The following ZNF423 variants were observed in gnomAD, a reference collection of about 807,000 sequenced individuals.
ZNF423 encodes the protein Ebf-associated zinc finger protein.
A neutral mutation model predicts 95.8 loss-of-function variants in ZNF423; 12 were observed. That is an observed-to-expected ratio of 0.13 (90% CI 0.08 to 0.20). The LOEUF is 0.20. Ranked by LOEUF, ZNF423 falls within the 10% of genes least tolerant of loss-of-function variation. The pLI is 1.00. For missense variants in ZNF423, 1,316 were observed against 1,737.1 expected, an observed-to-expected ratio of 0.76 and a Z score of 4.31; for synonymous variants, 749 against 711.9, an observed-to-expected ratio of 1.05 and a Z score of -0.83.
At chr16:49,702,909 GCACA>G (rs66522223) in intron 3 of ZNF423, among the ~76,000 whole-genome samples, 40,949 of 147,350 alleles carry the variant, frequency 0.28, 6,018 homozygotes, top group Admixed American at 0.34. Context: ...GTGTGCACAC[GCACA>G]CACACACACA....
intron 5 of ZNF423, among the ~76,000 whole-genome samples, chr16:49,574,913 G>A (rs1304596073): frequency 1.3e-5 from 2 of 152,162 alleles, no homozygotes; most frequent in Admixed American, 6.5e-5. Flanking sequence ...GAGGAGGTGG[G>A]AAGGATTCTT....
At chr16:49,811,830 C>T (rs2034758451) in intron 1 of ZNF423, among the ~76,000 whole-genome samples, 1 of 151,936 alleles carries the variant, frequency 6.6e-6, no homozygotes. Context: ...AGCCTGGAAC[C>T]CCAGATCTGG....
intron 5 of ZNF423, among the ~76,000 whole-genome samples, chr16:49,594,512 A>G (rs368538032): frequency 1.3e-5 from 2 of 152,170 alleles, no homozygotes; most frequent in African/African-American, 4.8e-5. Flanking sequence ...CAACATACAC[A>G]CAACACACAG....
At chr16:49,746,630 A>C (rs901565001) in intron 2 of ZNF423, among the ~76,000 whole-genome samples, 2 of 151,930 alleles carry the variant, frequency 1.3e-5, no homozygotes, top group African/African-American at 4.8e-5. Flanking sequence ...GGCACCCACC[A>C]CCACACCTGG....
At chr16:49,838,868 G>T (rs982373798) in intron 1 of ZNF423, among the ~76,000 whole-genome samples, 2 of 151,702 alleles carry the variant, frequency 1.3e-5, no homozygotes, top group African/African-American at 4.8e-5. Context: ...CCTCCCGCGC[G>T]GGGGGCGGCC....
intron 3 of ZNF423, among the ~76,000 whole-genome samples, chr16:49,674,453 G>C (rs2030956962): frequency 6.6e-6 from 1 of 152,184 alleles, no homozygotes; most frequent in African/African-American, 2.4e-5. Context: ...CACTTTACAA[G>C]GGAGGACAGG....
chr16:49,855,358 G>A lies in ZNF423; in HGVS notation c.40+377C>T, dbSNP rs987209055. Among the ~76,000 whole-genome samples, 2 of 144,746 alleles carry A rather than the reference G, an allele frequency of 1.4e-5. No individual in the cohort carries two copies. Among genetic ancestry groups the A allele is most frequent in the Non-Finnish European group, 3.1e-5 (2 of 65,450 alleles). 95.0% of individuals were successfully genotyped at this position (144,746 alleles called of 152,430 possible). On this transcript the variant is annotated intron_variant, in intron 1 of 7. Transcript: ENST00000563137. The surrounding 1 kb of genome is among the most constrained non-coding windows in gnomAD (Gnocchi z 4.7). ...GCCGCCGCCGAGATTCGCAATCCCC[G>A]CCAAGTCGGGCCAGCACCCCTTGAT...
At chr16:49,728,966 C>A (rs1253998195) in intron 3 of ZNF423, among the ~76,000 whole-genome samples, 1 of 152,126 alleles carries the variant, frequency 6.6e-6, no homozygotes, top group African/African-American at 2.4e-5. Context: ...CTGCTGACAT[C>A]GTGATCCGCC....
intron 1 of ZNF423, among the ~76,000 whole-genome samples, chr16:49,794,196 C>T (rs530006441): frequency 1.3e-5 from 2 of 151,776 alleles, no homozygotes; most frequent in African/African-American, 2.4e-5. Flanking sequence ...CCACCACGCC[C>T]GGTGGATTTT....
intron 7 of ZNF423, among the ~76,000 whole-genome samples, chr16:49,515,228 C>T (rs932005981): frequency 2.0e-5 from 3 of 152,240 alleles, no homozygotes; most frequent in Non-Finnish European, 2.9e-5. Flanking sequence ...CCTGGCCCCG[C>T]GCGCACAGGC....
chr16:49,844,467 G>T (rs987408808), intron 1 of ZNF423, among the ~76,000 whole-genome samples: 1 of 152,100 alleles, frequency 6.6e-6, no homozygotes, highest in Non-Finnish European at 1.5e-5. Context: ...TCTCCCAGCC[G>T]GGTGTCCTGC....
intron 3 of ZNF423, among the ~76,000 whole-genome samples, chr16:49,645,015 T>A (rs543415986): frequency 6.6e-6 from 1 of 152,190 alleles, no homozygotes; most frequent in African/African-American, 2.4e-5. Flanking sequence ...AATATAAAGA[T>A]CACCTTGTAC....
intron 5 of ZNF423, among the ~76,000 whole-genome samples, chr16:49,527,623 C>T (rs1968665531): frequency 6.6e-6 from 1 of 152,178 alleles, no homozygotes; most frequent in Non-Finnish European, 1.5e-5. Flanking sequence ...GTGAGGTTGA[C>T]AACTGTGCAG....
chr16:49,771,065 G>A (rs74018933), intron 2 of ZNF423, among the ~76,000 whole-genome samples: 6 of 152,286 alleles, frequency 3.9e-5, no homozygotes, highest in East Asian at 1.9e-4. Flanking sequence ...GTCAGGCCCC[G>A]GGAAGTGGGC....
At chr16:49,681,872 C>A (rs73569292) in intron 3 of ZNF423, among the ~76,000 whole-genome samples, 3,722 of 152,242 alleles carry the variant, frequency 0.024, 67 homozygotes, top group African/African-American at 0.049. Flanking sequence ...CCCAAGAGAT[C>A]CTCCCCTATC....
At chr16:49,506,055 C>G (rs898751733) in intron 7 of ZNF423, among the ~76,000 whole-genome samples, 1 of 152,006 alleles carries the variant, frequency 6.6e-6, no homozygotes, top group Non-Finnish European at 1.5e-5. Context: ...TGTGTGCTTT[C>G]GTGTGTGTGT....
chr16:49,683,802 G>A (rs1348182393), intron 3 of ZNF423, among the ~76,000 whole-genome samples: 1 of 152,222 alleles, frequency 6.6e-6, no homozygotes, highest in Non-Finnish European at 1.5e-5. Flanking sequence ...ACTTAGCCAG[G>A]CATGATGGTG....
chr16:49,564,627 A>T (rs1970129176), intron 5 of ZNF423, among the ~76,000 whole-genome samples: 2 of 152,232 alleles, frequency 1.3e-5, no homozygotes, highest in South Asian at 4.1e-4. Flanking sequence ...AGCTCCCCAG[A>T]TCCAAGAATC....
intron 5 of ZNF423, among the ~76,000 whole-genome samples, chr16:49,541,095 G>T (rs762482729): frequency 2.0e-5 from 3 of 152,114 alleles, no homozygotes; most frequent in Non-Finnish European, 2.9e-5. Flanking sequence ...GCCCCATCAG[G>T]GACTCCCGCT....
Sources: allele counts gnomAD v4.1 joint callset (sites outside exome capture counted in the v4.1 genomes callset), GRCh38; gene constraint gnomAD v4.1.1; non-coding constraint Gnocchi (gnomAD v3.1); transcripts MANE v1.5; gene names NCBI Gene and HGNC (gene_info 2026-07-23, HGNC 2026-07-21).